NFATC3: variants seen among roughly 807,000 people sequenced by gnomAD.
NFATC3 encodes the protein nuclear factor of activated T-cells, cytoplasmic 3.
Under a neutral mutation model 98.6 loss-of-function variants are expected in NFATC3, and 46 were observed. The ratio of observed to expected loss-of-function variants is 0.47; its 90% confidence interval spans 0.37 to 0.60. The LOEUF is 0.60. Ranked by LOEUF, NFATC3 falls within the 20% of genes least tolerant of loss-of-function variation. The pLI is 0.00. For missense variants in NFATC3, 1,256 were observed against 1,295.5 expected, an observed-to-expected ratio of 0.97 and a Z score of 0.47; for synonymous variants, 512 against 472.2, an observed-to-expected ratio of 1.08 and a Z score of -1.09.
At chr16:68,112,578 G>C (rs1014043882) in intron 1 of NFATC3, among the ~76,000 whole-genome samples, 1 of 150,366 alleles carries the variant, frequency 6.7e-6, no homozygotes, top group South Asian at 2.1e-4. Flanking sequence ...GCCCAGCCAG[G>C]TTCATTCTTT....
chr16:68,185,503 AT>A (rs767491758), intron 8 of NFATC3, among the ~76,000 whole-genome samples: 1 of 152,138 alleles, frequency 6.6e-6, no homozygotes, highest in Non-Finnish European at 1.5e-5. Context: ...GGCTTTCCAG[AT>A]TGCAATAAGG....
At chr16:68,176,152 A>G (rs2039691776) in intron 6 of NFATC3, among the ~76,000 whole-genome samples, 4 of 151,866 alleles carry the variant, frequency 2.6e-5, no homozygotes, top group Admixed American at 1.3e-4. Context: ...TAAGTTTTGG[A>G]TTTTTAGTAG....
At chr16:68,114,665 C>A (rs1007762397) in intron 1 of NFATC3, among the ~76,000 whole-genome samples, 8 of 151,320 alleles carry the variant, frequency 5.3e-5, no homozygotes, top group African/African-American at 1.9e-4. Context: ...ACCTCCGACT[C>A]CCTGGTTCAA....
At chr16:68,118,806 T>C (rs979349463) in intron 1 of NFATC3, among the ~76,000 whole-genome samples, 1 of 152,218 alleles carries the variant, frequency 6.6e-6, no homozygotes, top group African/African-American at 2.4e-5. Context: ...CAAGTCTGTC[T>C]CACTTTCTTT....
At position 68,158,042 on chromosome 16, in the gene NFATC3, T is replaced by C. The variant is rs748633929; in HGVS notation, c.1575T>C (p.Leu525=). 5.6e-6 allele frequency: 9 copies of C among 1,612,926 alleles called. No homozygotes were observed. The highest frequency in any genetic ancestry group is 6.8e-6 in the Non-Finnish European group (8 of 1,179,350). The change falls in exon 4 of 10, where the codon CTT becomes CTC. Residue 525 remains leucine (L), a synonymous_variant. Coordinates refer to ENST00000346183, the MANE Select transcript of NFATC3 (RefSeq NM_173165.3). The part of the protein sequence containing the change: ...IASTKVLEIP[L]LPENNMSASI... ...GTACAAAAGTTCTGGAAATTCCACT[T>C]CTTCCTGAAAATAATATGTCAGCCA... is the stretch of plus-strand genomic sequence containing the variant.
intron 2 of NFATC3, among the ~76,000 whole-genome samples, chr16:68,123,830 C>A (rs1204204572): frequency 7.4e-6 from 1 of 134,736 alleles, no homozygotes; most frequent in Non-Finnish European, 1.8e-5. Context: ...ACAAAAAATA[C>A]AAAAATTAGC....
At position 68,123,169 on chromosome 16, in the gene NFATC3, A is replaced by G. The variant is rs779090567; in HGVS notation, c.1238+48A>G. ...TGGTCATTTTTCATGTTTATGGGTC[A>G]TTGGTGGCATATAACTACATTATCA... is the stretch of plus-strand genomic sequence containing the variant. On this transcript the variant is annotated intron_variant, in intron 2 of 9. Coordinates refer to ENST00000346183, the MANE Select transcript of NFATC3 (RefSeq NM_173165.3). 11 of 1,532,780 alleles carry G rather than the reference A, an allele frequency of 7.2e-6. No individual in the cohort carries two copies. In the East Asian group the frequency reaches 2.5e-4, roughly 34 times the overall value. The allele number at this position is 1,532,780 out of a possible 1,614,324, so 94.9% of individuals were successfully genotyped here. A position where few individuals can be genotyped will look rare whatever the true frequency, so the allele number is the denominator to read the frequency against.
At chr16:68,196,905 C>T (rs552464613) in intron 9 of NFATC3, among the ~76,000 whole-genome samples, 21 of 151,288 alleles carry the variant, frequency 1.4e-4, no homozygotes, top group Admixed American at 2.6e-4. Context: ...TGGCGCATCC[C>T]TGTAATCCCA....
chr16:68,224,429 A>G (rs1598638783), intron 9 of NFATC3, among the ~76,000 whole-genome samples: 3 of 151,678 alleles, frequency 2.0e-5, no homozygotes, highest in South Asian at 2.1e-4. Flanking sequence ...GTTGCCTGCC[A>G]CCGTGCCTGG....
At chr16:68,138,505 G>A (rs1202939238) in intron 3 of NFATC3, 2 of 1,270,966 alleles carry the variant, frequency 1.6e-6, no homozygotes, top group Non-Finnish European at 2.0e-6. Flanking sequence ...TCAAATTGTT[G>A]CTCAGGAATC....
chr16:68,194,659 T>C (rs2040585437), intron 9 of NFATC3, among the ~76,000 whole-genome samples: 1 of 152,206 alleles, frequency 6.6e-6, no homozygotes, highest in South Asian at 2.1e-4. Flanking sequence ...ATAGGAGATT[T>C]ATTGAGACTT....
At chr16:68,097,103 T>C (rs528374337) in intron 1 of NFATC3, among the ~76,000 whole-genome samples, 1 of 152,204 alleles carries the variant, frequency 6.6e-6, no homozygotes, top group East Asian at 1.9e-4. Context: ...CTGGTATCCA[T>C]TGAGTAAGGA....
At chr16:68,182,016 G>C (rs2039969193) in intron 7 of NFATC3, among the ~76,000 whole-genome samples, 1 of 152,182 alleles carries the variant, frequency 6.6e-6, no homozygotes, top group East Asian at 1.9e-4. Context: ...TAACCAGTTA[G>C]TGTCTTCTTT....
chr16:68,180,567 G>C (rs1262060354), intron 6 of NFATC3, among the ~76,000 whole-genome samples: 2 of 151,990 alleles, frequency 1.3e-5, no homozygotes, highest in Non-Finnish European at 2.9e-5. Flanking sequence ...TTGTTACATA[G>C]GTGTAGATGT....
intron 5 of NFATC3, among the ~76,000 whole-genome samples, chr16:68,171,311 T>A (rs8046355): frequency 0.22 from 33,727 of 151,958 alleles, 4,125 homozygotes; most frequent in African/African-American, 0.31. Flanking sequence ...ACCCAGCCTG[T>A]GCACACTTTG....
intron 9 of NFATC3, among the ~76,000 whole-genome samples, chr16:68,201,373 A>G (rs2040904418): frequency 1.3e-5 from 2 of 152,186 alleles, no homozygotes; most frequent in South Asian, 4.1e-4. Flanking sequence ...CAGGGACTAC[A>G]GGCACACACC....
chr16:68,122,567 G>A lies in NFATC3; in HGVS notation c.684G>A (p.Gln228=). The A allele has an allele frequency of 6.2e-7, 1 of 1,614,098 alleles. No individual in the cohort carries two copies. The highest frequency in any genetic ancestry group is 8.5e-7 in the Non-Finnish European group (1 of 1,180,002). Residue 228 remains glutamine, a synonymous_variant, in exon 2 of 10, where the codon CAG becomes CAA. Coordinates refer to ENST00000346183, the MANE Select transcript of NFATC3 (RefSeq NM_173165.3). Reference sequence around the variant, plus strand: ...CTGGAGAAGAAACTTGGCATCAACAGTATGGACTTGGACACTCATTATCAC... The same window carrying A: ...CTGGAGAAGAAACTTGGCATCAACAATATGGACTTGGACACTCATTATCAC... The part of the protein sequence containing the change: ...GCPGEETWHQ[Q]YGLGHSLSPR...
Position 68,122,846 on chromosome 16 carries a change from T to C in NFATC3, c.963T>C (p.Leu321=). ...CTTCTGTCCATGGTGGGTCAGGCCT[T>C]GGCCCTGCAGTTTTTCCATTTCAGT... ...LNASVHGGSG[L]GPAVFPFQYC... Residue 321 remains leucine, a synonymous_variant, in exon 2 of 10, where the codon CTT becomes CTC. Coordinates refer to ENST00000346183, the MANE Select transcript of NFATC3 (RefSeq NM_173165.3). 1 of 1,614,244 alleles carries C rather than the reference T, an allele frequency of 6.2e-7. No homozygotes were observed. Among genetic ancestry groups the C allele is most frequent in the Non-Finnish European group, 8.5e-7 (1 of 1,180,034 alleles).
intron 9 of NFATC3, among the ~76,000 whole-genome samples, chr16:68,218,838 C>G (rs1598625437): frequency 6.6e-6 from 1 of 151,392 alleles, no homozygotes; most frequent in Non-Finnish European, 1.5e-5. Context: ...TCCCAAAGTG[C>G]TGAGATTACA....
Sources: gnomAD v4.1 joint callset for allele counts (sites outside exome capture counted in the v4.1 genomes callset) on GRCh38, gnomAD v4.1.1 for gene constraint, MANE v1.5 for transcripts, NCBI Gene and HGNC (gene_info 2026-07-23, HGNC 2026-07-21) for gene names.